TENM3: variants seen among roughly 807,000 people sequenced by gnomAD.
The protein encoded by TENM3 is teneurin transmembrane protein 3, also known as teneurin-3.
Under a neutral mutation model 255.1 loss-of-function variants are expected in TENM3, and 63 were observed. The observed-to-expected ratio is 0.25, with a 90% CI of 0.20 to 0.30. The LOEUF is 0.30. TENM3 is among the 10% of genes least tolerant of loss of function. The pLI is 1.00. For missense variants in TENM3, 2,929 were observed against 3,461.1 expected, an observed-to-expected ratio of 0.85 and a Z score of 3.86; for synonymous variants, 1,306 against 1,322.3, an observed-to-expected ratio of 0.99 and a Z score of 0.27.
the TENM3 span, among the ~76,000 whole-genome samples, chr4:182,041,379 A>C: frequency 2.0e-5 from 3 of 152,184 alleles, no homozygotes; most frequent in Non-Finnish European, 4.4e-5. Context: ...TTTTGTAATG[A>C]TAAATAGCCA....
At chr4:182,132,232 C>T in the TENM3 span, among the ~76,000 whole-genome samples, 1 of 152,114 alleles carries the variant, frequency 6.6e-6, no homozygotes, top group African/African-American at 2.4e-5. Context: ...ATAATCCCAG[C>T]ACTTTGGGAG....
chr4:181,660,203 CAATT>C, the TENM3 span, among the ~76,000 whole-genome samples: 2 of 152,120 alleles, frequency 1.3e-5, no homozygotes, highest in Non-Finnish European at 2.9e-5. Flanking sequence ...TCTTGAAAGA[CAATT>C]AATATCTGTC....
the TENM3 span, among the ~76,000 whole-genome samples, chr4:181,690,238 G>A: frequency 2.1e-3 from 138 of 65,798 alleles, 1 homozygote; most frequent in African/African-American, 4.4e-3. Flanking sequence ...GCGCGTGAGC[G>A]TGCACACACA....
the TENM3 span, among the ~76,000 whole-genome samples, chr4:181,844,667 C>CA: frequency 0.023 from 3,441 of 149,412 alleles, 152 homozygotes; most frequent in African/African-American, 0.078. Context: ...GACTCCGTCT[C>CA]AAAAAAATAA....
chr4:182,299,971 A>G (rs1302028786), intron 1 of TENM3, among the ~76,000 whole-genome samples: 1 of 149,632 alleles, frequency 6.7e-6, no homozygotes, highest in East Asian at 2.0e-4. Context: ...GCTGGAGTGC[A>G]GTGGCGCAAT....
rs1264934055 is a variant in TENM3, at chr4:182,623,131, C to CCA, written c.750-5520_750-5519insCA. On this transcript the variant is annotated intron_variant, in intron 4 of 27. Coordinates refer to ENST00000511685, the MANE Select transcript of TENM3 (RefSeq NM_001080477.4). ...GTTCACGCCATTCTCCTGCCTCAGC[C>CCA]TCCCGAGTAGCTGGGACTACAGGCG... Among the ~76,000 whole-genome samples the CCA allele has an allele frequency of 5.3e-5, 8 of 152,018 alleles. No individual in the cohort carries two copies. In the East Asian group the frequency reaches 1.5e-3, roughly 29 times the overall value.
chr4:182,230,246 C>T (rs1281952655), intron 1 of TENM3, among the ~76,000 whole-genome samples: 1 of 151,960 alleles, frequency 6.6e-6, no homozygotes, highest in East Asian at 1.9e-4. Context: ...CCCCATGAAG[C>T]GCAAAATGTC....
At chr4:181,750,187 C>T in the TENM3 span, among the ~76,000 whole-genome samples, 1 of 152,114 alleles carries the variant, frequency 6.6e-6, no homozygotes, top group African/African-American at 2.4e-5. Context: ...TCCTGAGCTA[C>T]TGGAAGGTGG....
intron 2 of TENM3, among the ~76,000 whole-genome samples, chr4:182,331,709 G>T (rs1446147238): frequency 6.6e-6 from 1 of 152,184 alleles, no homozygotes; most frequent in African/African-American, 2.4e-5. Flanking sequence ...AGGAATGGCA[G>T]TATTAATATC....
intron 17 of TENM3, among the ~76,000 whole-genome samples, chr4:182,737,631 A>G (rs1315392021): frequency 2.0e-5 from 3 of 152,216 alleles, no homozygotes; most frequent in Non-Finnish European, 4.4e-5. Flanking sequence ...GTTGAGAGAC[A>G]GACAGAGAGA....
At chr4:182,769,208 G>A (rs572461961) in intron 22 of TENM3, among the ~76,000 whole-genome samples, 14 of 152,290 alleles carry the variant, frequency 9.2e-5, no homozygotes, top group Non-Finnish European at 2.1e-4. Context: ...AGGCTAGCTG[G>A]ACATTCGTGG....
intron 13 of TENM3, among the ~76,000 whole-genome samples, chr4:182,722,124 T>G (rs1759785463): frequency 6.6e-6 from 1 of 152,206 alleles, no homozygotes; most frequent in Non-Finnish European, 1.5e-5. Context: ...GTAGAGCCTT[T>G]CTGAGATGAG....
intron 1 of TENM3, among the ~76,000 whole-genome samples, chr4:182,276,253 C>T (rs1197721382): frequency 6.6e-6 from 1 of 152,142 alleles, no homozygotes; most frequent in African/African-American, 2.4e-5. Flanking sequence ...AGGTTTTTGC[C>T]CTTTACGGTC....
chr4:182,675,491 G>A lies in TENM3; in HGVS notation c.1326+2272G>A, dbSNP rs143019413. Among the ~76,000 whole-genome samples, 565 of 151,732 alleles carry A rather than the reference G, an allele frequency of 3.7e-3. 2 individuals carry two copies. Among genetic ancestry groups the A allele is most frequent in the African/African-American group, 0.013 (529 of 41,370 alleles). On this transcript the variant is annotated intron_variant, in intron 7 of 27. Coordinates refer to ENST00000511685, the MANE Select transcript of TENM3 (RefSeq NM_001080477.4). ...TGGAGGCAAAGATTGCAGTAAGTGA[G>A]AGATCGTGACATTGCACTCCAGCCT... is the stretch of plus-strand genomic sequence containing the variant.
At chr4:181,633,458 C>A in the TENM3 span, among the ~76,000 whole-genome samples, 168 of 152,168 alleles carry the variant, frequency 1.1e-3, no homozygotes, top group African/African-American at 4.0e-3. Flanking sequence ...CAAATAGGTC[C>A]CTGGAGGAGT....
chr4:182,304,506 C>A (rs1051093563), intron 1 of TENM3, among the ~76,000 whole-genome samples: 22 of 152,130 alleles, frequency 1.4e-4, no homozygotes, highest in African/African-American at 4.8e-4. Context: ...GCCACTGTGC[C>A]CGGCCAAGAT....
At chr4:182,252,403 A>G (rs1758078343) in intron 1 of TENM3, among the ~76,000 whole-genome samples, 1 of 152,314 alleles carries the variant, frequency 6.6e-6, no homozygotes, top group African/African-American at 2.4e-5. Context: ...TTTGAAAGGG[A>G]AAAAAATTTA....
At chr4:182,722,936 G>A (rs2152696279) in intron 13 of TENM3, among the ~76,000 whole-genome samples, 1 of 152,338 alleles carries the variant, frequency 6.6e-6, no homozygotes. Flanking sequence ...AGGAGTCCAG[G>A]ATAACGTTCA....
At position 182,267,719 on chromosome 4, in the gene TENM3, A is replaced by G. The variant is rs530425668; in HGVS notation, c.-76+24243A>G. Among the ~76,000 whole-genome samples the G allele has an allele frequency of 3.1e-3, 472 of 152,144 alleles. 2 individuals carry two copies. Among genetic ancestry groups the G allele is most frequent in the African/African-American group, 0.011 (450 of 41,538 alleles). ...AAAGTTCCATCAAAGCCAATTTAAA[A>G]AAAAAAAAAAAGCTTATGTGAAAAA... On this transcript the variant is annotated intron_variant, in intron 1 of 27. Coordinates refer to ENST00000511685, the MANE Select transcript of TENM3 (RefSeq NM_001080477.4).
Sources: gnomAD v4.1 joint callset for allele counts (sites outside exome capture counted in the v4.1 genomes callset) on GRCh38, gnomAD v4.1.1 for gene constraint, MANE v1.5 for transcripts, NCBI Gene and HGNC (gene_info 2026-07-23, HGNC 2026-07-21) for gene names.